GGT7: variants seen among roughly 807,000 people sequenced by gnomAD.
GGT7 encodes the protein gamma-glutamyltransferase 7, also known as glutathione hydrolase 7.
A neutral mutation model predicts 69.2 loss-of-function variants in GGT7; 30 were observed. The observed-to-expected ratio is 0.43, with a 90% confidence interval of 0.32 to 0.59. The LOEUF is 0.59. GGT7 is among the 20% of genes least tolerant of loss of function. The probability of loss-of-function intolerance (pLI) is 0.05; values close to 1 mark genes in which losing one functional copy is unlikely to be tolerated. For synonymous variants in GGT7, 388 were observed against 391.8 expected (o/e 0.99, Z 0.12); for missense variants, 733 against 901.1 (o/e 0.81, Z 2.39).
intron 14 of GGT7, among the ~76,000 whole-genome samples, chr20:34,846,307 T>TCTTG (rs2079306200): frequency 8.8e-6 from 1 of 113,658 alleles, no homozygotes; most frequent in African/African-American, 3.9e-5. Context: ...TTTCTTTCTT[T>TCTTG]CTTTCTTTTT....
intron 8 of GGT7, among the ~76,000 whole-genome samples, chr20:34,855,814 T>TGTGTGTGTGTGTGTGTGTGTGAGAGA (rs56219337): frequency 1.4e-5 from 2 of 144,626 alleles, no homozygotes; most frequent in African/African-American, 5.3e-5. Context: ...TGTGTGTGTG[T>TGTGTGTGTGTGTGTGTGTGTGAGAGA]GATAATGGTC....
chr20:34,851,478 GC>G, intron 12 of GGT7, 110 bp from the exon 13 acceptor site: 2 of 1,134,956 alleles, frequency 1.8e-6, no homozygotes, highest in South Asian at 1.5e-5. Context: ...TCTTCCACAG[GC>G]CCAGTTTTCC....
In GGT7 at chr20:34,845,469, A is replaced by C; in HGVS notation, c.1848T>G (p.Ile616Met). 1 of 1,613,970 alleles carries C rather than the reference A, an allele frequency of 6.2e-7. No homozygotes were observed. The highest frequency in any genetic ancestry group is 8.5e-7 in the Non-Finnish European group (1 of 1,179,936). ...QVDSEFTEEE[I>M]EFLEARGHHV... ...GGTGACCCCTGGCTTCCAGGAACTC[A>C]ATCTCTTCCTCTGTGAACTCACCTG... The change falls in exon 15 of 15, where the codon ATT (isoleucine) becomes ATG (methionine). Residue 616 changes from isoleucine to methionine, a missense_variant. Ile to Met is a conservative substitution (Grantham distance 10). Transcript: ENST00000336431.
In GGT7 at chr20:34,863,515, T is replaced by C. The variant is rs913063518; in HGVS notation, c.203A>G (p.Gln68Arg). The C allele has an allele frequency of 1.9e-6, 3 of 1,593,890 alleles. No homozygotes were observed. The highest frequency in any genetic ancestry group is 2.6e-6 in the Non-Finnish European group (3 of 1,170,462). The change falls in exon 2 of 15, where the codon CAG becomes CGG. Residue 68 changes from glutamine to arginine, a missense_variant. Gln to Arg is a conservative substitution (Grantham distance 43). Coordinates refer to ENST00000336431, the MANE Select transcript of GGT7 (RefSeq NM_178026.3). This position sits in a 1 kb window ranked among gnomAD's most constrained non-coding sequence, Gnocchi z 4.4. The part of the protein sequence containing the change: ...PDSFLKSARL[Q>R]RLPSSSSEMG... ...CTCCGACGACGACGATGGCAGCCGC[T>C]GCAGCCGTGCAGACTTCAGGAAGGA... is the stretch of plus-strand genomic sequence containing the variant.
At chr20:34,859,890 G>T (rs1476599206) in intron 6 of GGT7, 79 bp downstream of exon 6, 3 of 1,075,864 alleles carry the variant, frequency 2.8e-6, no homozygotes, top group Non-Finnish European at 1.4e-6. Flanking sequence ...GGGCCTCTCT[G>T]GCTTGGGCTC....
At position 34,854,888 on chromosome 20, in the gene GGT7, C is replaced by A; in HGVS notation, c.1138G>T (p.Gly380Cys). The A allele has an allele frequency of 6.2e-7, 1 of 1,614,026 alleles. No homozygotes were observed. Among genetic ancestry groups the A allele is most frequent in the Non-Finnish European group, 8.5e-7 (1 of 1,179,968 alleles). ...LVLSPPPPHT[G>C]PALISALNIL... ...TTGAGAGCACTGATGAGGGCAGGGC[C>A]CGTGTGCGGAGGTGGGGGACTAAGA... Residue 380 changes from glycine to cysteine, a missense_variant, in exon 9 of 15, where the codon GGC (glycine) becomes TGC (cysteine). By Grantham distance (159) the Gly-to-Cys change is radical. Transcript: ENST00000336431.
chr20:34,852,180 G>A lies in GGT7; in HGVS notation c.1562C>T (p.Thr521Ile). The change falls in exon 12 of 15, where the codon ACA becomes ATA. Residue 521 changes from threonine to isoleucine, a missense_variant. Physicochemically the swap from Thr to Ile is moderately conservative, Grantham distance 89. Coordinates refer to ENST00000336431, the MANE Select transcript of GGT7 (RefSeq NM_178026.3). ...QMLDFSWPNRTANHSAPSLEN... is the reference protein window; with the variant it reads ...QMLDFSWPNRIANHSAPSLEN... ...CAGGCTGGGTGCAGAGTGGTTAGCT[G>A]TCCGGTTGGGCCAGGAGAAGTCCAG... 1 of 1,612,554 alleles carries A rather than the reference G, an allele frequency of 6.2e-7. No individual in the cohort carries two copies. The highest frequency in any genetic ancestry group is 8.5e-7 in the Non-Finnish European group (1 of 1,178,508).
At chr20:34,856,960 G>T in intron 7 of GGT7, 67 bp from the exon 8 acceptor site, 1 of 964,272 alleles carries the variant, frequency 1.0e-6, no homozygotes, top group Non-Finnish European at 1.7e-6. Flanking sequence ...CCTATAACAC[G>T]TTTGGATCAC....
In GGT7 at chr20:34,844,903, T is replaced by C. The variant is rs2079274768; in HGVS notation, c.*425A>G. 6.3e-6 allele frequency: 1 copy of C among 159,458 alleles called. No individual in the cohort carries two copies. The highest frequency in any genetic ancestry group is 1.4e-5 in the Non-Finnish European group (1 of 73,928). 9.9% of individuals were successfully genotyped at this position (159,458 alleles called of 1,614,324 possible). Reference sequence around the variant, plus strand: ...AAAAAATTCCTAGTCATTTAAGAAATGAGGCTGGGAATGGGAGAAAGGAAC... The same window carrying C: ...AAAAAATTCCTAGTCATTTAAGAAACGAGGCTGGGAATGGGAGAAAGGAAC... On this transcript the variant is annotated 3_prime_UTR_variant, in exon 15 of 15. Transcript: ENST00000336431.
chr20:34,855,897 C>A (rs1331663587), intron 8 of GGT7, among the ~76,000 whole-genome samples: 2 of 151,986 alleles, frequency 1.3e-5, no homozygotes, highest in Non-Finnish European at 2.9e-5. Context: ...CAGGCTCAAG[C>A]AATCCTCCCA....
intron 3 of GGT7, 129 bp downstream of exon 3, chr20:34,862,685 A>T: frequency 1.1e-6 from 1 of 886,986 alleles, no homozygotes; most frequent in Non-Finnish European, 1.8e-6. Context: ...AATTTGGTGT[A>T]GAAAGAGAAA....
chr20:34,851,845 T>A (rs1055610649), intron 12 of GGT7, among the ~76,000 whole-genome samples: 1 of 152,220 alleles, frequency 6.6e-6, no homozygotes, highest in South Asian at 2.1e-4. Context: ...AGACCGCTAG[T>A]GCTGGAAAAT....
At position 34,872,728 on chromosome 20, in the gene GGT7, G is replaced by A; in HGVS notation, c.88C>T (p.Leu30=). The part of the protein sequence containing the change: ...DYMSITSFPR[L]PEDEPAPAAP... The stretch of plus-strand genomic sequence containing the variant: ...GCGGGCGCCGGCTCGTCCTCGGGCA[G>A]CCGCGGGAAGCTGGTGATGCTCATG... Residue 30 remains leucine (L), a synonymous_variant, in exon 1 of 15, where the codon CTG becomes TTG. Transcript: ENST00000336431. 1 of 1,496,560 alleles carries A rather than the reference G, an allele frequency of 6.7e-7. No individual in the cohort carries two copies. The highest frequency in any genetic ancestry group is 2.5e-5 in the Admixed American group (1 of 40,062). The allele number at this position is 1,496,560 out of a possible 1,614,324, so 92.7% of individuals were successfully genotyped here.
At chr20:34,860,403 A>G (rs2079572984) in intron 4 of GGT7, 82 bp from the exon 5 acceptor site, 2 of 1,063,592 alleles carry the variant, frequency 1.9e-6, no homozygotes, top group South Asian at 1.3e-5. Flanking sequence ...CAGAGCCCCA[A>G]GCCAGGGATG....
chr20:34,855,789 C>CTGTGTGTGTGTGTGTGTGTG lies in GGT7; in HGVS notation c.1103-886_1103-867dup, dbSNP rs3138662. On this transcript the variant is annotated intron_variant, in intron 8 of 14. Coordinates refer to ENST00000336431, the MANE Select transcript of GGT7 (RefSeq NM_178026.3). ...CGCTACGCTTGTTCTTTTTTCTTTT[C>CTGTGTGTGTGTGTGTGTGTG]TGTGTGTGTGTGTGTGTGTGTGTGT... is the stretch of plus-strand genomic sequence containing the variant. Among the ~76,000 whole-genome samples, 739 of 144,128 alleles carry CTGTGTGTGTGTGTGTGTGTG rather than the reference C, an allele frequency of 5.1e-3. 4 individuals carry two copies. The highest frequency in any genetic ancestry group is 6.3e-3 in the East Asian group (31 of 4,908). The allele number at this position is 144,128 out of a possible 152,430, so 94.6% of individuals were successfully genotyped here. A position where few individuals can be genotyped will look rare whatever the true frequency, so the allele number is the denominator to read the frequency against.
intron 3 of GGT7, among the ~76,000 whole-genome samples, 157 bp downstream of exon 3, chr20:34,862,657 C>T (rs1167306177): frequency 6.6e-6 from 1 of 151,616 alleles, no homozygotes; most frequent in African/African-American, 2.4e-5. Context: ...CTGACTCCAT[C>T]CAGGGAGAAG....
At chr20:34,847,233 C>T (rs1258420267) in intron 14 of GGT7, among the ~76,000 whole-genome samples, 1 of 152,174 alleles carries the variant, frequency 6.6e-6, no homozygotes, top group Non-Finnish European at 1.5e-5. Context: ...AACAAATCCC[C>T]ATCCCATTGG....
At chr20:34,868,518 G>A (rs982798178) in intron 1 of GGT7, among the ~76,000 whole-genome samples, 2 of 152,172 alleles carry the variant, frequency 1.3e-5, no homozygotes, top group African/African-American at 2.4e-5. Flanking sequence ...TGGCCTAGTA[G>A]ATATCTAATT....
intron 14 of GGT7, among the ~76,000 whole-genome samples, chr20:34,848,593 G>A (rs1005346574): frequency 2.6e-5 from 4 of 152,214 alleles, no homozygotes; most frequent in African/African-American, 9.6e-5. Flanking sequence ...AGTGTCGCTG[G>A]CCAACCACAG....
Sources: allele counts gnomAD v4.1 joint callset (sites outside exome capture counted in the v4.1 genomes callset), GRCh38; gene constraint gnomAD v4.1.1; non-coding constraint Gnocchi (gnomAD v3.1); transcripts MANE v1.5; gene names NCBI Gene and HGNC (gene_info 2026-07-23, HGNC 2026-07-21).